The following ZC3H4 variants were observed in gnomAD, a reference collection of about 807,000 sequenced individuals.
ZC3H4 encodes zinc finger CCCH domain-containing protein 4.
Under a neutral mutation model 108.3 loss-of-function variants are expected in ZC3H4, and 13 were observed. That is an observed-to-expected ratio of 0.12 (90% CI 0.08 to 0.19). The LOEUF (loss-of-function observed/expected upper bound fraction) is 0.19, where lower values mean the gene tolerates loss of function less well. ZC3H4 is among the 10% of genes least tolerant of loss of function. The pLI is 1.00. For synonymous variants in ZC3H4, 917 were observed against 749.6 expected (o/e 1.22, Z -3.65); for missense variants, 1,734 against 1,838.8 (o/e 0.94, Z 1.04).
Position 47,112,470 on chromosome 19 carries a change from C to T in ZC3H4, c.115G>A (p.Ala39Thr). ...CGGTGGTGGAGGAGGTGCGGGGTGGCCGGGCGGGCGTCGGGGGAACACGGA... is the reference window on the plus strand; with the variant it reads ...CGGTGGTGGAGGAGGTGCGGGGTGGTCGGGCGGGCGTCGGGGGAACACGGA... The part of the protein sequence containing the change: ...PPPCSPDARP[A>T]TPHLLHHRLP... Residue 39 changes from alanine (A) to threonine (T), a missense_variant, in exon 2 of 15, where the codon GCC (alanine) becomes ACC (threonine). Physicochemically the swap from Ala to Thr is moderately conservative, Grantham distance 58. This residue lies in a region of ZC3H4 where 112 missense variants were observed against 73.3 expected (regional missense o/e 1.53). Coordinates refer to ENST00000253048, the MANE Select transcript of ZC3H4 (RefSeq NM_015168.2). The T allele has an allele frequency of 8.3e-7, 1 of 1,207,504 alleles. No homozygotes were observed. The highest frequency in any genetic ancestry group is 1.6e-5 in the African/African-American group (1 of 63,866). 74.8% of individuals were successfully genotyped at this position (1,207,504 alleles called of 1,614,324 possible).
chr19:47,105,046 C>A (rs1234398773), intron 2 of ZC3H4, among the ~76,000 whole-genome samples: 2 of 152,100 alleles, frequency 1.3e-5, no homozygotes, highest in Admixed American at 1.3e-4. Flanking sequence ...AGGAGTGGAA[C>A]GCAGGGAGAA....
chr19:47,086,665 C>T (rs1445811347), intron 5 of ZC3H4, 127 bp from the exon 6 acceptor site: 14 of 1,426,194 alleles, frequency 9.8e-6, no homozygotes, highest in Non-Finnish European at 1.1e-5. Context: ...CCTCCTCCTC[C>T]TCCTCCAAGA....
chr19:47,113,089 C>T (rs1298087821), intron 1 of ZC3H4, among the ~76,000 whole-genome samples: 1 of 152,272 alleles, frequency 6.6e-6, no homozygotes, highest in Non-Finnish European at 1.5e-5. Context: ...TGCCCGGCCC[C>T]CGCCGCAATC....
intron 10 of ZC3H4, 93 bp from the exon 11 acceptor site, chr19:47,081,715 G>A (rs143121885): frequency 1.8e-6 from 2 of 1,141,286 alleles, no homozygotes; most frequent in African/African-American, 1.5e-5. Flanking sequence ...CTTTGTTTTG[G>A]AGATAAGAAA....
chr19:47,101,314 A>G (rs941719623), intron 2 of ZC3H4, among the ~76,000 whole-genome samples: 3 of 151,948 alleles, frequency 2.0e-5, no homozygotes, highest in African/African-American at 7.2e-5. Flanking sequence ...AGCCTGGGCA[A>G]CAGAGTGAGA....
chr19:47,103,015 A>AT (rs1486610825), intron 2 of ZC3H4, among the ~76,000 whole-genome samples: 13 of 151,798 alleles, frequency 8.6e-5, no homozygotes, highest in Admixed American at 3.3e-4. Flanking sequence ...CAAAGATGCC[A>AT]TTTTTTTTGC....
Position 47,069,234 on chromosome 19 carries a change from C to T in ZC3H4, c.2256G>A (p.Pro752=), listed in dbSNP as rs1440318140. The T allele has an allele frequency of 3.7e-6, 6 of 1,613,338 alleles. No homozygotes were observed. The highest frequency in any genetic ancestry group is 4.5e-5 in the East Asian group (2 of 44,884). The change falls in exon 14 of 15, where the codon CCG becomes CCA. Residue 752 remains proline (P), a synonymous_variant. Coordinates refer to ENST00000253048, the MANE Select transcript of ZC3H4 (RefSeq NM_015168.2). ...SFSEGGPPGR[P]KPGAGVPDFL... ...AGTCAGGGACACCGGCGCCTGGCTT[C>T]GGCCGGCCTGGGGGCCCTCCCTCAG...
intron 2 of ZC3H4, among the ~76,000 whole-genome samples, chr19:47,100,666 A>G (rs1009764837): frequency 1.3e-5 from 2 of 151,606 alleles, no homozygotes; most frequent in Middle Eastern, 3.2e-3. Context: ...TCTTGTTAGA[A>G]ATGAGTTTTG....
intron 6 of ZC3H4, 113 bp downstream of exon 6, chr19:47,086,271 A>G (rs983591401): frequency 5.7e-6 from 7 of 1,237,794 alleles, no homozygotes; most frequent in Admixed American, 4.6e-5. Flanking sequence ...CCCTTCCTTC[A>G]GAAGGGCCGT....
chr19:47,068,962 C>T lies in ZC3H4; in HGVS notation c.2398+130G>A, dbSNP rs1054188311. On this transcript the variant is annotated intron_variant, in intron 14 of 14. Transcript: ENST00000253048. ...AGCAGCCCCAGCCCGGCTTCATGGC[C>T]CTGGACAGGGGTCCTCCCTAGCCAT... The T allele has an allele frequency of 4.6e-6, 7 of 1,527,998 alleles. No homozygotes were observed. In the African/African-American group the frequency reaches 6.9e-5, roughly 15 times the overall value. 94.7% of individuals were successfully genotyped at this position (1,527,998 alleles called of 1,614,324 possible). A position where few individuals can be genotyped will look rare whatever the true frequency, so the allele number is the denominator to read the frequency against.
rs1392144959 is a variant in ZC3H4, at chr19:47,064,236, A to G, written c.*2120T>C. ...ATGGCAGTAATACAATTACTGGATT[A>G]AGAGACCACAGGAGAAAGGCAGGTG... is the stretch of plus-strand genomic sequence containing the variant. On this transcript the variant is annotated 3_prime_UTR_variant, in exon 15 of 15. Coordinates refer to ENST00000253048, the MANE Select transcript of ZC3H4 (RefSeq NM_015168.2). The G allele has an allele frequency of 6.6e-6, 1 of 152,662 alleles. No homozygotes were observed. Among genetic ancestry groups the G allele is most frequent in the Admixed American group, 6.5e-5 (1 of 15,280 alleles). The allele number at this position is 152,662 out of a possible 1,614,324, so 9.5% of individuals were successfully genotyped here.
chr19:47,104,427 CCCA>C (rs923541382), intron 2 of ZC3H4, among the ~76,000 whole-genome samples: 10 of 152,270 alleles, frequency 6.6e-5, no homozygotes, highest in Admixed American at 2.0e-4. Flanking sequence ...TCACAGTAAC[CCCA>C]CATTTCCAAG....
chr19:47,096,924 C>T (rs78038353), intron 2 of ZC3H4: 23 of 985,408 alleles, frequency 2.3e-5, no homozygotes, highest in South Asian at 4.7e-5. Context: ...TCCAACACCG[C>T]GGCACAGCAG....
At chr19:47,107,950 TTTTAC>T (rs1359570438) in intron 2 of ZC3H4, among the ~76,000 whole-genome samples, 7 of 152,146 alleles carry the variant, frequency 4.6e-5, no homozygotes, top group Admixed American at 3.9e-4. Context: ...TCAATCTCAT[TTTTAC>T]TTTAACTTAT....
At position 47,090,262 on chromosome 19, in the gene ZC3H4, G is replaced by C. The variant is rs2057708823; in HGVS notation, c.493-73C>G. 3.9e-6 allele frequency: 6 copies of C among 1,546,076 alleles called. No individual in the cohort carries two copies. The Admixed American group carries it at 1.1e-4, about 27-fold the overall frequency. ...TGGGTGCAGACTACCAAGATACCCA[G>C]GGTTCCCTAAACGAACATGTCTGTC... is the stretch of plus-strand genomic sequence containing the variant. On this transcript the variant is annotated intron_variant, in intron 4 of 14. Coordinates refer to ENST00000253048, the MANE Select transcript of ZC3H4 (RefSeq NM_015168.2).
rs1312938958 is a variant in ZC3H4 at position 47,066,193 on chromosome 19, A to C, written c.*163T>G. 1 of 569,538 alleles carries C rather than the reference A, an allele frequency of 1.8e-6. No individual in the cohort carries two copies. The highest frequency in any genetic ancestry group is 1.9e-5 in the African/African-American group (1 of 51,558). The allele number at this position is 569,538 out of a possible 1,614,324, so 35.3% of individuals were successfully genotyped here. A position where few individuals can be genotyped will look rare whatever the true frequency, so the allele number is the denominator to read the frequency against. ...TATACAATTTACAAATCTCAAAGAA[A>C]GTACTACTTTAAAAAAAAATAAAAG... On this transcript the variant is annotated 3_prime_UTR_variant, in exon 15 of 15. Coordinates refer to ENST00000253048, the MANE Select transcript of ZC3H4 (RefSeq NM_015168.2).
intron 4 of ZC3H4, among the ~76,000 whole-genome samples, chr19:47,093,396 T>G (rs1436563638): frequency 6.6e-6 from 1 of 152,088 alleles, no homozygotes; most frequent in African/African-American, 2.4e-5. Context: ...CTTGCCAATT[T>G]CCCAAAAAGG....
chr19:47,086,498 G>A lies in ZC3H4; in HGVS notation c.756C>T (p.Ser252=). 6.2e-7 allele frequency: 1 copy of A among 1,607,230 alleles called. No homozygotes were observed. The change falls in exon 6 of 15, where the codon AGC becomes AGT. Residue 252 remains serine, a synonymous_variant. Coordinates refer to ENST00000253048, the MANE Select transcript of ZC3H4 (RefSeq NM_015168.2). ...GRGRGYRGRG[S]RGGSRGRGMG... is the part of the protein sequence containing the mutation. The stretch of plus-strand genomic sequence containing the variant: ...TGCCGCGGCCTCGCGATCCTCCACG[G>A]CTTCCTCGGCCCCTGTAGCCCCGGC...
chr19:47,112,384 C>T (rs1304450705), intron 2 of ZC3H4, 40 bp downstream of exon 2: 2 of 1,230,932 alleles, frequency 1.6e-6, no homozygotes, highest in Middle Eastern at 3.1e-4. Flanking sequence ...TCCTCTTCCT[C>T]CCCCCGGGGA....
Sources: gnomAD v4.1 joint callset for allele counts (sites outside exome capture counted in the v4.1 genomes callset) on GRCh38, gnomAD v4.1.1 for gene constraint, gnomAD v4.1.1 regional missense constraint, MANE v1.5 for transcripts, NCBI Gene and HGNC (gene_info 2026-07-23, HGNC 2026-07-21) for gene names.